The following DOCK7 variants were observed in gnomAD, a reference collection of about 807,000 sequenced individuals.
The protein encoded by DOCK7 is dedicator of cytokinesis protein 7.
DOCK7 carries 138 observed loss-of-function variants against 271.0 expected under a neutral mutation model. That is an observed-to-expected ratio of 0.51 (90% CI 0.44 to 0.59). The LOEUF is 0.59. Ranked by LOEUF, DOCK7 falls within the 20% of genes least tolerant of loss-of-function variation. The probability of loss-of-function intolerance (pLI) is 0.00; values close to 1 mark genes in which losing one functional copy is unlikely to be tolerated. For synonymous variants in DOCK7, 823 were observed against 876.1 expected (o/e 0.94, Z 1.07); for missense variants, 2,066 against 2,592.4 (o/e 0.80, Z 4.41).
At chr1:62,665,631 C>T (rs917750574) in intron 1 of DOCK7, among the ~76,000 whole-genome samples, 2 of 145,560 alleles carry the variant, frequency 1.4e-5, no homozygotes, top group Non-Finnish European at 3.0e-5. Flanking sequence ...CTTGAATCCA[C>T]GGAGGTTGCG....
At chr1:62,645,725 G>A (rs570299055) in intron 7 of DOCK7, among the ~76,000 whole-genome samples, 9 of 152,254 alleles carry the variant, frequency 5.9e-5, no homozygotes, top group Admixed American at 2.6e-4. Context: ...CACATAATAC[G>A]TGAATTATAC....
intron 27 of DOCK7, 94 bp from the exon 28 acceptor site, chr1:62,538,155 T>A: frequency 7.5e-7 from 1 of 1,342,244 alleles, no homozygotes; most frequent in Non-Finnish European, 1.0e-6. Flanking sequence ...AAAGAGATAG[T>A]ACTTGGTATC....
rs961268611 is a variant in DOCK7, at chr1:62,473,877, G to A, written c.6212+105C>T. The A allele has an allele frequency of 8.4e-6, 7 of 833,136 alleles. No homozygotes were observed. In the African/African-American group the frequency reaches 1.0e-4, roughly 12 times the overall value. 51.6% of individuals were successfully genotyped at this position (833,136 alleles called of 1,614,324 possible). On this transcript the variant is annotated intron_variant, in intron 48 of 49. Coordinates refer to ENST00000635253, the MANE Select transcript of DOCK7 (RefSeq NM_001367561.1). ...TGAGATTGCAGGTGTAAGCCACTGT[G>A]CCTAGCCTATTTTCTCTTTTCAATG...
At chr1:62,465,919 T>G (rs1224151370) in intron 48 of DOCK7, among the ~76,000 whole-genome samples, 1 of 152,152 alleles carries the variant, frequency 6.6e-6, no homozygotes, top group East Asian at 1.9e-4. Flanking sequence ...GTAAGAAAAG[T>G]GTATCTGTAG....
chr1:62,686,532 A>G (rs1222056469), intron 1 of DOCK7, among the ~76,000 whole-genome samples: 2 of 152,084 alleles, frequency 1.3e-5, no homozygotes, highest in Admixed American at 1.3e-4. Context: ...AGTAAGACCT[A>G]ATTATTTTAC....
intron 17 of DOCK7, among the ~76,000 whole-genome samples, chr1:62,578,188 T>C (rs1646995507): frequency 6.6e-6 from 1 of 152,206 alleles, no homozygotes. Flanking sequence ...TAGTCTCTTT[T>C]ACTCATTTTA....
At chr1:62,638,282 G>A (rs781359306) in intron 7 of DOCK7, 1 of 151,966 alleles carries the variant, frequency 6.6e-6, no homozygotes, top group African/African-American at 2.4e-5. Flanking sequence ...TGCGCCTTTC[G>A]ATGAACGAAA....
intron 34 of DOCK7, among the ~76,000 whole-genome samples, chr1:62,510,364 A>G (rs1170035280): frequency 6.6e-6 from 1 of 152,220 alleles, no homozygotes; most frequent in Non-Finnish European, 1.5e-5. Flanking sequence ...GGAGTTTAAA[A>G]TATAATATTT....
At chr1:62,670,699 T>C (rs1171417274) in intron 1 of DOCK7, among the ~76,000 whole-genome samples, 1 of 152,114 alleles carries the variant, frequency 6.6e-6, no homozygotes. Context: ...GATGGGGACG[T>C]GGAGAACCTT....
chr1:62,597,924 C>T, intron 14 of DOCK7: 1 of 1,551,456 alleles, frequency 6.4e-7, no homozygotes, highest in Non-Finnish European at 8.7e-7. Flanking sequence ...GTCACTTGAA[C>T]TCAACTCAAA....
At chr1:62,457,877 T>C (rs545920815) in intron 48 of DOCK7, 172 bp from the exon 49 acceptor site, 2 of 583,710 alleles carry the variant, frequency 3.4e-6, no homozygotes, top group South Asian at 2.7e-5. Context: ...AGGCCAGGCA[T>C]GGTGGCTCAT....
intron 22 of DOCK7, among the ~76,000 whole-genome samples, chr1:62,551,351 C>CAAA (rs34548756): frequency 7.1e-6 from 1 of 139,888 alleles, no homozygotes; most frequent in African/African-American, 2.6e-5. Flanking sequence ...GATGAACTTA[C>CAAA]AAAAAAAAAA....
intron 22 of DOCK7, among the ~76,000 whole-genome samples, chr1:62,549,475 T>C (rs1463204215): frequency 6.6e-6 from 1 of 152,188 alleles, no homozygotes; most frequent in Admixed American, 6.5e-5. Context: ...GCAGTTGAAA[T>C]ACTAGAGAAT....
rs1319249120 is a variant in DOCK7 at position 62,538,020 on chromosome 1, C to G, written c.3342G>C (p.Leu1114=). The G allele has an allele frequency of 6.2e-7, 1 of 1,613,790 alleles. No individual in the cohort carries two copies. Among genetic ancestry groups the G allele is most frequent in the Non-Finnish European group, 8.5e-7 (1 of 1,179,918 alleles). Residue 1114 remains leucine, a synonymous_variant, in exon 28 of 50, where the codon CTG becomes CTC. Transcript: ENST00000635253. ...KLYSLPNPSV[L]VSLRLDFLRI... Reference sequence around the variant, plus strand: ...GTAGAAAATCCAGCCTCAAGGACACCAGAACACTGGGATTCGGTAATGAGT... The same window carrying G: ...GTAGAAAATCCAGCCTCAAGGACACGAGAACACTGGGATTCGGTAATGAGT...
At chr1:62,585,950 T>C (rs1647446956) in intron 15 of DOCK7, among the ~76,000 whole-genome samples, 1 of 152,154 alleles carries the variant, frequency 6.6e-6, no homozygotes, top group Non-Finnish European at 1.5e-5. Context: ...CACTGGTAGT[T>C]TGAAAAGCTT....
At chr1:62,678,964 A>G (rs1347981533) in intron 1 of DOCK7, among the ~76,000 whole-genome samples, 1 of 152,174 alleles carries the variant, frequency 6.6e-6, no homozygotes, top group African/African-American at 2.4e-5. Context: ...TGTGATTCTT[A>G]CACATTGATG....
intron 21 of DOCK7, among the ~76,000 whole-genome samples, chr1:62,554,900 C>T (rs532792599): frequency 2.8e-4 from 42 of 152,136 alleles, no homozygotes; most frequent in African/African-American, 9.9e-4. Context: ...ATAAATTGGG[C>T]TAAAATTTAA....
chr1:62,584,197 T>C, intron 15 of DOCK7: 1 of 984,486 alleles, frequency 1.0e-6, no homozygotes, highest in South Asian at 4.7e-5. Flanking sequence ...CTGTTTCTTT[T>C]TGCAACATTT....
At chr1:62,668,428 A>G (rs1012082168) in intron 1 of DOCK7, among the ~76,000 whole-genome samples, 12 of 152,236 alleles carry the variant, frequency 7.9e-5, no homozygotes, top group African/African-American at 2.7e-4. Context: ...TGAGCAAACC[A>G]GCTGTAAAAT....
Sources: gnomAD v4.1 joint callset for allele counts (sites outside exome capture counted in the v4.1 genomes callset) on GRCh38, gnomAD v4.1.1 for gene constraint, MANE v1.5 for transcripts, NCBI Gene and HGNC (gene_info 2026-07-23, HGNC 2026-07-21) for gene names.